TECPR2: variants seen among roughly 807,000 people sequenced by gnomAD.
The protein encoded by TECPR2 is tectonin beta-propeller repeat containing 2.
In TECPR2, 65 loss-of-function variants were observed where a neutral mutation model predicts 138.1. The ratio of observed to expected loss-of-function variants is 0.47; its 90% CI spans 0.39 to 0.58. The LOEUF is 0.58. Among genes scored for constraint, TECPR2 ranks in the 20% least tolerant of loss-of-function variants. The pLI, the probability that TECPR2 is intolerant of heterozygous loss-of-function variation, is 0.00. For missense variants in TECPR2, 1,553 were observed against 1,824.5 expected (o/e 0.85, Z 2.71); for synonymous variants, 746 against 749.8 (o/e 0.99, Z 0.08).
At chr14:102,485,836 G>A (rs1193334077) in intron 17 of TECPR2, among the ~76,000 whole-genome samples, 1 of 152,210 alleles carries the variant, frequency 6.6e-6, no homozygotes, top group African/African-American at 2.4e-5. Flanking sequence ...GCAGGGCGAT[G>A]AGCTATCAGA....
intron 16 of TECPR2, among the ~76,000 whole-genome samples, chr14:102,459,388 G>A (rs1890351907): frequency 6.6e-6 from 1 of 152,172 alleles, no homozygotes. Context: ...CAGTAGCCTG[G>A]TGGATGATGT....
At chr14:102,367,547 T>G (rs1887377207) in intron 1 of TECPR2, among the ~76,000 whole-genome samples, 1 of 152,200 alleles carries the variant, frequency 6.6e-6, no homozygotes, top group Non-Finnish European at 1.5e-5. Context: ...AGCATAATAT[T>G]CTCAGGATTC....
chr14:102,499,364 T>A lies in TECPR2; in HGVS notation c.*1107T>A. On this transcript the variant is annotated 3_prime_UTR_variant, in exon 20 of 20. Transcript: ENST00000359520. ...TCTGCATAAAATACCTCATTTCAAA[T>A]CAAATCTTACAAATTTAGAAGAGAG... 2 of 602,524 alleles carry A rather than the reference T, an allele frequency of 3.3e-6. No homozygotes were observed. Among genetic ancestry groups the A allele is most frequent in the Non-Finnish European group, 5.9e-6 (2 of 337,466 alleles). The allele number at this position is 602,524 out of a possible 1,614,324, so 37.3% of individuals were successfully genotyped here. A position where few individuals can be genotyped will look rare whatever the true frequency, so the allele number is the denominator to read the frequency against.
At chr14:102,387,140 T>C (rs1336651488) in intron 2 of TECPR2, among the ~76,000 whole-genome samples, 2 of 152,216 alleles carry the variant, frequency 1.3e-5, no homozygotes, top group African/African-American at 2.4e-5. Flanking sequence ...ATGTATGGCA[T>C]GATTGAAAGA....
At position 102,425,057 on chromosome 14, in the gene TECPR2, G is replaced by A. The variant is rs755693156; in HGVS notation, c.717G>A (p.Gly239=). 7.4e-6 allele frequency: 12 copies of A among 1,614,002 alleles called. No individual in the cohort carries two copies. In the African/African-American group the frequency reaches 9.3e-5, roughly 13 times the overall value. ...SDLTLYASRP[G]LRLWKADVHG... ...TAACCTTGTATGCGTCACGGCCCGG[G>A]CTCCGGCTATGGAAGGCTGATGTCC... Residue 239 remains glycine, a synonymous_variant, in exon 6 of 20, where the codon GGG becomes GGA. Coordinates refer to ENST00000359520, the MANE Select transcript of TECPR2 (RefSeq NM_014844.5).
At chr14:102,367,975 T>G (rs185798356) in intron 1 of TECPR2, among the ~76,000 whole-genome samples, 2 of 150,940 alleles carry the variant, frequency 1.3e-5, no homozygotes, top group Non-Finnish European at 3.0e-5. Flanking sequence ...GCTGAACATC[T>G]TTTTATGTGC....
intron 10 of TECPR2, among the ~76,000 whole-genome samples, chr14:102,439,649 T>C (rs1444880890): frequency 1.3e-5 from 2 of 152,200 alleles, no homozygotes; most frequent in Non-Finnish European, 2.9e-5. Context: ...TGTATCTCCA[T>C]GAGATTCACC....
At chr14:102,447,206 G>A (rs896727146) in intron 13 of TECPR2, among the ~76,000 whole-genome samples, 3 of 152,086 alleles carry the variant, frequency 2.0e-5, no homozygotes, top group African/African-American at 4.8e-5. Flanking sequence ...CCACACTGGA[G>A]TGTGGTGGCA....
At chr14:102,435,740 C>T (rs1010434796) in intron 9 of TECPR2, among the ~76,000 whole-genome samples, 3 of 152,234 alleles carry the variant, frequency 2.0e-5, no homozygotes, top group Non-Finnish European at 4.4e-5. Flanking sequence ...GCGAGCTGTA[C>T]AGGAACCAGT....
chr14:102,401,878 T>C (rs1461544993), intron 2 of TECPR2, among the ~76,000 whole-genome samples: 1 of 146,624 alleles, frequency 6.8e-6, no homozygotes, highest in African/African-American at 2.5e-5. Context: ...TAGAAAAAGA[T>C]ATTCCATGCA....
intron 4 of TECPR2, among the ~76,000 whole-genome samples, chr14:102,413,171 A>G (rs1298998825): frequency 1.3e-5 from 2 of 152,036 alleles, no homozygotes; most frequent in African/African-American, 2.4e-5. Flanking sequence ...ATGACTATAA[A>G]TTTGTCAAAA....
intron 3 of TECPR2, 30 bp from the exon 4 acceptor site, chr14:102,408,457 TC>T: frequency 6.3e-7 from 1 of 1,579,812 alleles, no homozygotes. Context: ...CCTTTTTTTT[TC>T]TTGTGTATAT....
intron 2 of TECPR2, among the ~76,000 whole-genome samples, chr14:102,392,977 C>T (rs1273077397): frequency 6.6e-6 from 1 of 152,178 alleles, no homozygotes; most frequent in East Asian, 1.9e-4. Flanking sequence ...TTGCCAGCTC[C>T]ATTTGCCAGC....
chr14:102,441,068 G>T (rs1425459407), intron 11 of TECPR2, among the ~76,000 whole-genome samples: 1 of 151,772 alleles, frequency 6.6e-6, no homozygotes, highest in Non-Finnish European at 1.5e-5. Context: ...GAAATAATTT[G>T]CTCTTTTTTA....
chr14:102,499,281 C>T lies in TECPR2; in HGVS notation c.*1024C>T, dbSNP rs1481504760. On this transcript the variant is annotated 3_prime_UTR_variant, in exon 20 of 20. Coordinates refer to ENST00000359520, the MANE Select transcript of TECPR2 (RefSeq NM_014844.5). ...ATGCTGCTGGCGGACATCCTAAAAC[C>T]AGATGCATCCTCAGAGGACGAGTCT... 11 of 641,792 alleles carry T rather than the reference C, an allele frequency of 1.7e-5. 1 individual carries two copies. Among genetic ancestry groups the T allele is most frequent in the Non-Finnish European group, 1.7e-5 (6 of 349,458 alleles). The allele number at this position is 641,792 out of a possible 1,614,324, so 39.8% of individuals were successfully genotyped here.
intron 16 of TECPR2, among the ~76,000 whole-genome samples, chr14:102,453,999 A>G (rs891748879): frequency 1.3e-5 from 2 of 151,974 alleles, no homozygotes; most frequent in African/African-American, 4.8e-5. Context: ...AAATACAAAA[A>G]TTACCTGGGT....
In TECPR2 at chr14:102,419,848, T is replaced by G. The variant is rs1050611193; in HGVS notation, c.638+5055T>G. Reference sequence around the variant, plus strand: ...GTGAGTCTAGTACTCAGGGAAGCCCTCCCTGGCAGTAGCACTTTGCCCTGG... The same window carrying G: ...GTGAGTCTAGTACTCAGGGAAGCCCGCCCTGGCAGTAGCACTTTGCCCTGG... On this transcript the variant is annotated intron_variant, in intron 5 of 19. Transcript: ENST00000359520. The surrounding 1 kb of genome is among the most constrained non-coding windows in gnomAD (Gnocchi z 4.8). Among the ~76,000 whole-genome samples the G allele has an allele frequency of 6.6e-6, 1 of 152,148 alleles. No homozygotes were observed. The highest frequency in any genetic ancestry group is 1.5e-5 in the Non-Finnish European group (1 of 68,022).
intron 17 of TECPR2, among the ~76,000 whole-genome samples, chr14:102,473,475 G>C (rs1044539626): frequency 6.6e-6 from 1 of 152,188 alleles, no homozygotes; most frequent in African/African-American, 2.4e-5. Context: ...TCTTCGACTT[G>C]AGCTTCTTCA....
At chr14:102,400,935 G>A (rs1159629118) in intron 2 of TECPR2, among the ~76,000 whole-genome samples, 1 of 152,044 alleles carries the variant, frequency 6.6e-6, no homozygotes, top group Non-Finnish European at 1.5e-5. Context: ...CCGGGAGGCT[G>A]AAGCAGAGAA....
Sources: allele counts gnomAD v4.1 joint callset (sites outside exome capture counted in the v4.1 genomes callset), GRCh38; gene constraint gnomAD v4.1.1; non-coding constraint Gnocchi (gnomAD v3.1); transcripts MANE v1.5; gene names NCBI Gene and HGNC (gene_info 2026-07-23, HGNC 2026-07-21).